Variants in ME3 observed in about 807,000 individuals in gnomAD.
ME3 encodes the protein malic enzyme 3.
A neutral mutation model predicts 68.9 loss-of-function variants in ME3; 48 were observed. The observed-to-expected ratio is 0.70, with a 90% confidence interval of 0.55 to 0.89. The LOEUF (loss-of-function observed/expected upper bound fraction) is 0.89, where lower values mean the gene tolerates loss of function less well. Among genes scored for constraint, ME3 ranks in the 40% least tolerant of loss-of-function variants. The pLI is 0.00. For synonymous variants in ME3, 320 were observed against 318.8 expected, an observed-to-expected ratio of 1.00 and a Z score of -0.04; for missense variants, 675 against 797.4, an observed-to-expected ratio of 0.85 and a Z score of 1.85.
intron 4 of ME3, among the ~76,000 whole-genome samples, chr11:86,536,850 A>G (rs531132130): frequency 3.9e-5 from 6 of 152,214 alleles, no homozygotes; most frequent in East Asian, 3.9e-4. Flanking sequence ...TGTTTATTGC[A>G]GCATTTTTCA....
chr11:86,545,972 A>G (rs886722110), intron 4 of ME3, among the ~76,000 whole-genome samples: 2 of 152,228 alleles, frequency 1.3e-5, no homozygotes, highest in South Asian at 2.1e-4. Flanking sequence ...AGACATATAG[A>G]CCAATGGAAC....
chr11:86,597,820 T>G (rs10792864), intron 2 of ME3, among the ~76,000 whole-genome samples: 26,281 of 151,942 alleles, frequency 0.17, 2,613 homozygotes, highest in East Asian at 0.39. Flanking sequence ...GGAGACATGA[T>G]ACATCAATCA....
At chr11:86,500,019 C>T (rs1952612976) in intron 5 of ME3, among the ~76,000 whole-genome samples, 1 of 152,246 alleles carries the variant, frequency 6.6e-6, no homozygotes, top group Admixed American at 6.5e-5. Context: ...ACCACCCCAA[C>T]TGGCTGGGGT....
intron 2 of ME3, among the ~76,000 whole-genome samples, chr11:86,605,449 A>C (rs1961489911): frequency 6.6e-6 from 1 of 152,040 alleles, no homozygotes; most frequent in Non-Finnish European, 1.5e-5. Context: ...TGAAAAAATT[A>C]TTCTGGTTTT....
At chr11:86,593,639 T>C (rs1324812315) in intron 2 of ME3, among the ~76,000 whole-genome samples, 2 of 146,572 alleles carry the variant, frequency 1.4e-5, no homozygotes, top group African/African-American at 5.0e-5. Context: ...CCACACCTTA[T>C]TTTCATCACC....
intron 12 of ME3, 66 bp downstream of exon 12, chr11:86,446,999 T>G: frequency 6.4e-7 from 1 of 1,566,952 alleles, no homozygotes; most frequent in South Asian, 1.2e-5. Context: ...TTCACCCTCA[T>G]GAGGTTACTC....
chr11:86,596,687 A>G (rs1000915670), intron 2 of ME3, among the ~76,000 whole-genome samples: 4 of 152,218 alleles, frequency 2.6e-5, no homozygotes, highest in Non-Finnish European at 5.9e-5. Flanking sequence ...CTTTCACATT[A>G]TAGATAAAGA....
chr11:86,437,604 C>G (rs1482275244), downstream of ME3, among the ~76,000 whole-genome samples: 1 of 152,110 alleles, frequency 6.6e-6, no homozygotes, highest in Admixed American at 6.5e-5. Flanking sequence ...AACAAAGAAT[C>G]TCTCTCAATT....
chr11:86,501,249 C>T (rs1039178746), intron 5 of ME3, among the ~76,000 whole-genome samples: 2 of 151,606 alleles, frequency 1.3e-5, no homozygotes, highest in Non-Finnish European at 2.9e-5. Flanking sequence ...TCATTTTAAC[C>T]TGGTGCCTTG....
intron 2 of ME3, among the ~76,000 whole-genome samples, chr11:86,570,251 C>T (rs543337074): frequency 2.6e-5 from 4 of 152,288 alleles, no homozygotes; most frequent in East Asian, 1.9e-4. Context: ...ATCAATCAAC[C>T]GTGGCAGCAT....
chr11:86,495,166 A>T (rs1414530509), intron 6 of ME3, among the ~76,000 whole-genome samples: 1 of 152,200 alleles, frequency 6.6e-6, no homozygotes, highest in East Asian at 1.9e-4. Context: ...CTTCTAGCAG[A>T]TCTTCTTGGG....
At chr11:86,470,054 G>A (rs1171969194) in intron 7 of ME3, among the ~76,000 whole-genome samples, 1 of 152,100 alleles carries the variant, frequency 6.6e-6, no homozygotes, top group East Asian at 1.9e-4. Flanking sequence ...CTTCTCCCCA[G>A]TGTGTGAACC....
chr11:86,446,394 C>T (rs777784196), exon 13 of ME3: 27 of 1,614,038 alleles, frequency 1.7e-5, no homozygotes, highest in East Asian at 4.5e-5. Context: ...CCGGGGAACA[C>T]GTAAGCATTG....
exon 3 of ME3, chr11:86,559,746 G>C: frequency 6.2e-7 from 1 of 1,614,010 alleles, no homozygotes. Context: ...GGAGCTGGAC[G>C]TCCTGGCTCA....
At chr11:86,645,577 C>T (rs1212308064) in intron 2 of ME3, among the ~76,000 whole-genome samples, 2 of 152,212 alleles carry the variant, frequency 1.3e-5, no homozygotes, top group African/African-American at 2.4e-5. Context: ...AAACTCCCAT[C>T]TCCCTGGGAC....
intron 4 of ME3, among the ~76,000 whole-genome samples, chr11:86,553,112 G>A (rs1302759924): frequency 6.6e-6 from 1 of 152,202 alleles, no homozygotes; most frequent in Non-Finnish European, 1.5e-5. Flanking sequence ...CGCATGCAGA[G>A]GAGTGTCAAG....
chr11:86,466,335 C>G (rs902630982), intron 7 of ME3, among the ~76,000 whole-genome samples: 13 of 152,164 alleles, frequency 8.5e-5, no homozygotes, highest in African/African-American at 3.1e-4. Flanking sequence ...GGTTTCACCT[C>G]ATGGGTCAAT....
intron 2 of ME3, among the ~76,000 whole-genome samples, chr11:86,601,730 C>T (rs1960701132): frequency 6.6e-6 from 1 of 151,856 alleles, no homozygotes; most frequent in Non-Finnish European, 1.5e-5. Context: ...GTGAATCCAG[C>T]AGCACATCAA....
chr11:86,509,363 A>G (rs1269999051), intron 4 of ME3, among the ~76,000 whole-genome samples: 1 of 151,620 alleles, frequency 6.6e-6, no homozygotes, highest in East Asian at 1.9e-4. Context: ...GGGGATGGGA[A>G]GAGAGGTTAG....
Sources: allele counts gnomAD v4.1 joint callset (sites outside exome capture counted in the v4.1 genomes callset), GRCh38; gene constraint gnomAD v4.1.1; transcripts MANE v1.5; gene names NCBI Gene and HGNC (gene_info 2026-07-23, HGNC 2026-07-21).